The following SGCD variants were observed in gnomAD, a reference collection of about 807,000 sequenced individuals.
SGCD encodes the protein delta-sarcoglycan.
Under a neutral mutation model 36.6 loss-of-function variants are expected in SGCD, and 18 were observed. The observed-to-expected ratio is 0.49, with a 90% CI of 0.34 to 0.73. The LOEUF (loss-of-function observed/expected upper bound fraction) is 0.73. Among genes scored for constraint, SGCD ranks in the 30% least tolerant of loss-of-function variants. SGCD has a pLI of 0.01. For missense variants in SGCD, 387 were observed against 346.7 expected (o/e 1.12, Z -0.92); for synonymous variants, 133 against 130.6 (o/e 1.02, Z -0.12).
chr5:156,079,964 T>A (rs979947082), intron 1 of SGCD, among the ~76,000 whole-genome samples: 1 of 152,216 alleles, frequency 6.6e-6, no homozygotes, highest in Non-Finnish European at 1.5e-5. Flanking sequence ...AGTAGAGGAT[T>A]TCTGTGAGCA....
At chr5:156,543,476 G>T (rs253595) in intron 4 of SGCD, among the ~76,000 whole-genome samples, 1 of 151,908 alleles carries the variant, frequency 6.6e-6, no homozygotes, top group Non-Finnish European at 1.5e-5. Flanking sequence ...GTATGTTGCT[G>T]TTAGGGAGGG....
chr5:156,471,823 A>T (rs1006368794), intron 3 of SGCD, among the ~76,000 whole-genome samples: 11 of 152,238 alleles, frequency 7.2e-5, no homozygotes, highest in African/African-American at 2.4e-4. Flanking sequence ...ATCAAAAGAC[A>T]CCATTAAGAA....
intron 7 of SGCD, among the ~76,000 whole-genome samples, chr5:156,660,017 A>AT (rs1222378408): frequency 1.3e-5 from 2 of 148,578 alleles, no homozygotes; most frequent in African/African-American, 5.1e-5. Context: ...AAACTTCTGT[A>AT]TTTTTTGATT....
rs190894605 is a variant in SGCD, at chr5:156,004,381, T to A, written c.-281-113497T>A. 4.1e-3 allele frequency among the ~76,000 whole-genome samples: 625 copies of A among 152,320 alleles called. 5 individuals are homozygous for A. Among genetic ancestry groups the A allele is most frequent in the African/African-American group, 0.014 (577 of 41,562 alleles). On this transcript the variant is annotated intron_variant, in intron 1 of 9. Transcript: ENST00000517913. ...CTGTTTCCACTATTATTAATGATAA[T>A]GATGATCCCTTCTATTTTACTGAGA...
chr5:155,865,669 C>T (rs1020082740), upstream of SGCD, among the ~76,000 whole-genome samples: 1 of 152,124 alleles, frequency 6.6e-6, no homozygotes, highest in Non-Finnish European at 1.5e-5. Context: ...AATGCTGGCT[C>T]ACTGAATTAT....
Position 156,178,855 on chromosome 5 carries a change from C to G in SGCD, c.-44+54836C>G, listed in dbSNP as rs547324274. 1.2e-4 allele frequency among the ~76,000 whole-genome samples: 19 copies of G among 152,242 alleles called. 1 individual carries two copies. In the East Asian group the frequency reaches 3.5e-3, roughly 28 times the overall value. ...TGCTGGGATTACAGGTGTGAGCCAC[C>G]GCGCCCAGCCTGAATGTATTAATGA... is the stretch of plus-strand genomic sequence containing the variant. On this transcript the variant is annotated intron_variant, in intron 3 of 9. Transcript: ENST00000517913.
At chr5:156,218,899 A>G (rs1764649519) in intron 3 of SGCD, among the ~76,000 whole-genome samples, 1 of 152,124 alleles carries the variant, frequency 6.6e-6, no homozygotes, top group South Asian at 2.1e-4. Flanking sequence ...TTCCATCTCC[A>G]TTCCATAGGA....
At chr5:156,729,330 T>C (rs775480038) in intron 7 of SGCD, among the ~76,000 whole-genome samples, 57 of 152,196 alleles carry the variant, frequency 3.7e-4, no homozygotes, top group Non-Finnish European at 7.3e-4. Context: ...GCATTGACAG[T>C]AAGGCCTTAG....
intron 1 of SGCD, among the ~76,000 whole-genome samples, chr5:156,055,153 T>G (rs1285204979): frequency 6.8e-6 from 1 of 146,316 alleles, no homozygotes; most frequent in Non-Finnish European, 1.5e-5. Context: ...TTTCTATTTT[T>G]TTTTTTCCCC....
chr5:156,679,823 C>T (rs1753654959), intron 7 of SGCD, among the ~76,000 whole-genome samples: 1 of 152,096 alleles, frequency 6.6e-6, no homozygotes, highest in Non-Finnish European at 1.5e-5. Context: ...CCCTAGATTT[C>T]TAGATTCTTT....
At chr5:156,683,498 C>G (rs1753795575) in intron 7 of SGCD, among the ~76,000 whole-genome samples, 1 of 152,294 alleles carries the variant, frequency 6.6e-6, no homozygotes, top group Non-Finnish European at 1.5e-5. Context: ...AAGGGATGAG[C>G]AATTCTGTAG....
chr5:156,601,191 C>G (rs1231988476), intron 6 of SGCD, among the ~76,000 whole-genome samples: 1 of 152,120 alleles, frequency 6.6e-6, no homozygotes, highest in East Asian at 1.9e-4. Context: ...CTTTTGAGAT[C>G]TCACCTAAAA....
chr5:156,592,848 G>C (rs971642159), intron 5 of SGCD, among the ~76,000 whole-genome samples: 1 of 152,134 alleles, frequency 6.6e-6, no homozygotes, highest in Non-Finnish European at 1.5e-5. Flanking sequence ...TTGGAGGGCT[G>C]GTGTGGACAC....
intron 4 of SGCD, among the ~76,000 whole-genome samples, chr5:156,547,438 T>A (rs1758621439): frequency 7.4e-6 from 1 of 135,782 alleles, no homozygotes; most frequent in African/African-American, 3.1e-5. Flanking sequence ...AATGATAATA[T>A]GACTTTTTTT....
At position 156,603,471 on chromosome 5, in the gene SGCD, G is replaced by T. The variant is rs1317948247; in HGVS notation, c.502+8420G>T. Among the ~76,000 whole-genome samples, 5 of 151,670 alleles carry T rather than the reference G, an allele frequency of 3.3e-5. No individual in the cohort carries two copies. In the East Asian group the frequency reaches 7.7e-4, roughly 23 times the overall value. Reference sequence around the variant, plus strand: ...CTTTCTTCTACCAACTTTGGGTTTTGTTCTTACATTTCTAGTTCCTTGAAG... The same window carrying T: ...CTTTCTTCTACCAACTTTGGGTTTTTTTCTTACATTTCTAGTTCCTTGAAG... On this transcript the variant is annotated intron_variant, in intron 6 of 8. Coordinates refer to ENST00000337851, the MANE Select transcript of SGCD (RefSeq NM_000337.6).
intron 1 of SGCD, among the ~76,000 whole-genome samples, chr5:156,112,841 C>A (rs1358828267): frequency 6.6e-6 from 1 of 152,122 alleles, no homozygotes; most frequent in Admixed American, 6.5e-5. Flanking sequence ...CATTTCCTAG[C>A]CAGGCACTCT....
intron 3 of SGCD, among the ~76,000 whole-genome samples, chr5:156,193,092 C>T (rs1314741083): frequency 6.6e-6 from 1 of 152,004 alleles, no homozygotes; most frequent in Non-Finnish European, 1.5e-5. Context: ...AGCTGTCAGG[C>T]AGTAGTTTGC....
At chr5:155,985,587 A>T (rs1758314141) in intron 1 of SGCD, among the ~76,000 whole-genome samples, 1 of 152,150 alleles carries the variant, frequency 6.6e-6, no homozygotes, top group African/African-American at 2.4e-5. Flanking sequence ...ATAAACCCCA[A>T]GTGCCCATCA....
chr5:156,740,246 G>C (rs1473328799), intron 7 of SGCD, among the ~76,000 whole-genome samples: 1 of 152,114 alleles, frequency 6.6e-6, no homozygotes, highest in Non-Finnish European at 1.5e-5. Flanking sequence ...ATACAGACCA[G>C]GCTCTTCAAT....
Sources: gnomAD v4.1 joint callset for allele counts (sites outside exome capture counted in the v4.1 genomes callset) on GRCh38, gnomAD v4.1.1 for gene constraint, MANE v1.5 for transcripts, NCBI Gene and HGNC (gene_info 2026-07-23, HGNC 2026-07-21) for gene names.